Variants in ICA1 observed in about 807,000 individuals in gnomAD.
ICA1 encodes the protein 69 kDa islet cell autoantigen.
ICA1 carries 40 observed loss-of-function variants against 71.0 expected under a neutral mutation model. The ratio of observed to expected loss-of-function variants is 0.56; its 90% CI spans 0.44 to 0.73. The LOEUF (loss-of-function observed/expected upper bound fraction) is 0.73. ICA1 is among the 30% of genes least tolerant of loss of function. ICA1 has a pLI of 0.00. For missense variants in ICA1, 578 were observed against 576.5 expected, an observed-to-expected ratio of 1.00 and a Z score of -0.03; for synonymous variants, 207 against 209.5, an observed-to-expected ratio of 0.99 and a Z score of 0.10.
chr7:8,118,248 C>A lies in ICA1; in HGVS notation c.1331-4204G>T, dbSNP rs145716063. Among the ~76,000 whole-genome samples, 14 of 152,322 alleles carry A rather than the reference C, an allele frequency of 9.2e-5. No homozygotes were observed. In the East Asian group the frequency reaches 2.5e-3, roughly 27 times the overall value. On this transcript the variant is annotated intron_variant, in intron 13 of 13. Coordinates refer to ENST00000402384, the MANE Select transcript of ICA1 (RefSeq NM_001136020.3). ...CTTAATGAAACAGGTGGCCTGCGACCTATTTACTCAATCTAGAACAATGAA... is the reference window on the plus strand; with the variant it reads ...CTTAATGAAACAGGTGGCCTGCGACATATTTACTCAATCTAGAACAATGAA...
rs543644511 is a variant in ICA1 at position 8,234,993 on chromosome 7, G to A, written c.17+917C>T. Among the ~76,000 whole-genome samples the A allele has an allele frequency of 1.2e-4, 18 of 152,036 alleles. No homozygotes were observed. The highest frequency in any genetic ancestry group is 3.9e-4 in the East Asian group (2 of 5,156). On this transcript the variant is annotated intron_variant, in intron 2 of 13. Transcript: ENST00000402384. The surrounding 1 kb of genome is among the most constrained non-coding windows in gnomAD (Gnocchi z 4.5). Reference sequence around the variant, plus strand: ...ATCCTGGCCAACATGGTGAAACCCCGTCTGTACTAAAAATACAAAAATTAG... The same window carrying A: ...ATCCTGGCCAACATGGTGAAACCCCATCTGTACTAAAAATACAAAAATTAG...
chr7:8,224,489 G>C (rs1253337517), intron 4 of ICA1, among the ~76,000 whole-genome samples: 2 of 152,114 alleles, frequency 1.3e-5, no homozygotes, highest in African/African-American at 4.8e-5. Context: ...AATAATGATA[G>C]ACTTACAGAA....
intron 1 of ICA1, among the ~76,000 whole-genome samples, chr7:8,244,821 T>C (rs900201507): frequency 6.6e-6 from 1 of 152,174 alleles, no homozygotes; most frequent in African/African-American, 2.4e-5. Flanking sequence ...CTCATCATCA[T>C]TGGTCATCAG....
chr7:8,261,740 GGC>G (rs1407614041), intron 1 of ICA1, among the ~76,000 whole-genome samples: 1 of 151,434 alleles, frequency 6.6e-6, no homozygotes, highest in East Asian at 2.0e-4. Context: ...GGGAAGGCGA[GGC>G]GCGCGGTGGG....
At chr7:8,230,196 A>G (rs1799828918) in intron 3 of ICA1, among the ~76,000 whole-genome samples, 1 of 152,226 alleles carries the variant, frequency 6.6e-6, no homozygotes, top group South Asian at 2.1e-4. Context: ...TGTACTGAAG[A>G]GCTGTTTTTC....
chr7:8,221,431 C>T, intron 4 of ICA1, 33 bp from the exon 5 acceptor site: 24 of 1,610,090 alleles, frequency 1.5e-5, no homozygotes, highest in Non-Finnish European at 2.0e-5. Context: ...GAGCCATGAA[C>T]AATGAGCATT....
At chr7:8,168,645 C>G (rs926425075) in intron 6 of ICA1, among the ~76,000 whole-genome samples, 1 of 152,160 alleles carries the variant, frequency 6.6e-6, no homozygotes, top group Non-Finnish European at 1.5e-5. Flanking sequence ...ATAGCCTGAA[C>G]AGAGCTTCTA....
At chr7:8,138,463 G>T (rs570469125) in intron 12 of ICA1, among the ~76,000 whole-genome samples, 6 of 152,260 alleles carry the variant, frequency 3.9e-5, no homozygotes, top group African/African-American at 1.4e-4. Context: ...TTACAAATGA[G>T]AATAACCCAG....
rs184737135 is a variant in ICA1 at position 8,177,664 on chromosome 7, T to G, written c.580-19012A>C. On this transcript the variant is annotated intron_variant, in intron 6 of 13. Transcript: ENST00000402384. ...GCCTAAGCTAAACCTACTTGTATTT[T>G]ATAGTACAGTATAGTTTTATTATGC... Among the ~76,000 whole-genome samples the G allele has an allele frequency of 5.9e-5, 9 of 152,360 alleles. No individual in the cohort carries two copies. In the East Asian group the frequency reaches 1.3e-3, roughly 23 times the overall value.
At chr7:8,131,642 A>G (rs73235869) in intron 12 of ICA1, among the ~76,000 whole-genome samples, 3,625 of 152,136 alleles carry the variant, frequency 0.024, 114 homozygotes, top group African/African-American at 0.081. Flanking sequence ...AAACACAAAA[A>G]CCTCCCAATT....
chr7:8,209,846 G>C (rs1793016876), intron 6 of ICA1, among the ~76,000 whole-genome samples: 1 of 152,224 alleles, frequency 6.6e-6, no homozygotes, highest in African/African-American at 2.4e-5. Flanking sequence ...GCAAAGGTCA[G>C]AGTGTGTTAA....
At chr7:8,206,112 G>C (rs1377522105) in intron 6 of ICA1, among the ~76,000 whole-genome samples, 1 of 152,162 alleles carries the variant, frequency 6.6e-6, no homozygotes, top group Non-Finnish European at 1.5e-5. Context: ...TGTGGGAAAA[G>C]TTGGCTTTTT....
chr7:8,253,511 T>G (rs1335485180), intron 1 of ICA1, among the ~76,000 whole-genome samples: 1 of 152,194 alleles, frequency 6.6e-6, no homozygotes, highest in Non-Finnish European at 1.5e-5. Context: ...CACAAATATA[T>G]ATAGCTGACC....
intron 1 of ICA1, among the ~76,000 whole-genome samples, chr7:8,260,673 G>A (rs1390049054): frequency 6.6e-6 from 1 of 152,168 alleles, no homozygotes; most frequent in Non-Finnish European, 1.5e-5. Flanking sequence ...AGCTATTCAG[G>A]ATTATAAATT....
chr7:8,174,927 CTT>C (rs1780101123), intron 6 of ICA1, among the ~76,000 whole-genome samples: 1 of 152,096 alleles, frequency 6.6e-6, no homozygotes, highest in African/African-American at 2.4e-5. Context: ...GTGAGAAAGA[CTT>C]TAAACCAAGG....
chr7:8,164,518 T>G (rs1042204472), intron 6 of ICA1, among the ~76,000 whole-genome samples: 1 of 152,108 alleles, frequency 6.6e-6, no homozygotes, highest in East Asian at 1.9e-4. Context: ...TGTTATTGTC[T>G]AGCTTGCCTT....
intron 12 of ICA1, among the ~76,000 whole-genome samples, chr7:8,131,603 CAATGA>C (rs1190999717): frequency 2.0e-5 from 3 of 152,142 alleles, no homozygotes; most frequent in Non-Finnish European, 4.4e-5. Context: ...TAGCTAAAAG[CAATGA>C]AACTGGCACT....
intron 6 of ICA1, among the ~76,000 whole-genome samples, chr7:8,188,993 G>C (rs1035801757): frequency 6.6e-6 from 1 of 152,190 alleles, no homozygotes; most frequent in Admixed American, 6.5e-5. Flanking sequence ...CCCTGGGAGA[G>C]GAGTCAATTA....
chr7:8,243,307 G>A (rs1001369203), intron 1 of ICA1, among the ~76,000 whole-genome samples: 10 of 152,062 alleles, frequency 6.6e-5, no homozygotes, highest in Non-Finnish European at 1.3e-4. Context: ...CAGAATCATC[G>A]ACAAAAACCA....
Sources: allele counts gnomAD v4.1 joint callset (sites outside exome capture counted in the v4.1 genomes callset), GRCh38; gene constraint gnomAD v4.1.1; non-coding constraint Gnocchi (gnomAD v3.1); transcripts MANE v1.5; gene names NCBI Gene and HGNC (gene_info 2026-07-23, HGNC 2026-07-21).